JAG2: variants seen among roughly 807,000 people sequenced by gnomAD.
The protein encoded by JAG2 is jagged canonical Notch ligand 2.
A neutral mutation model predicts 141.7 loss-of-function variants in JAG2; 46 were observed. That is an observed-to-expected ratio of 0.32 (90% CI 0.26 to 0.42). The LOEUF is 0.42. Among genes scored for constraint, JAG2 ranks in the 10% least tolerant of loss-of-function variants. JAG2 has a pLI of 1.00. For missense variants in JAG2, 1,500 were observed against 1,817.5 expected, an observed-to-expected ratio of 0.83 and a Z score of 3.18; for synonymous variants, 862 against 763.5, an observed-to-expected ratio of 1.13 and a Z score of -2.13.
rs587765253 is a variant in JAG2 at position 105,142,913 on chromosome 14, C to T, written c.3499G>A (p.Gly1167Arg). 29 of 1,606,420 alleles carry T rather than the reference C, an allele frequency of 1.8e-5. No individual in the cohort carries two copies. The highest frequency in any genetic ancestry group is 5.3e-5 in the African/African-American group (4 of 74,888). The change falls in exon 26 of 26, where the codon GGG (glycine) becomes AGG (arginine). Residue 1167 changes from glycine to arginine, a missense_variant. Gly to Arg is a moderately radical substitution (Grantham distance 125). Transcript: ENST00000331782. ...PPRRADEALP[G>R]PAGHAAVRED... ...CTGACGGCCGCGTGGCCGGCCGGCCCGGGCAGCGCCTCGTCCGCCCTGCGC... is the reference window on the plus strand; with the variant it reads ...CTGACGGCCGCGTGGCCGGCCGGCCTGGGCAGCGCCTCGTCCGCCCTGCGC...
chr14:105,142,716 G>A lies in JAG2; in HGVS notation c.3696C>T (p.Ala1232=), dbSNP rs758810038. 1 of 1,605,060 alleles carries A rather than the reference G, an allele frequency of 6.2e-7. No homozygotes were observed. The highest frequency in any genetic ancestry group is 8.5e-7 in the Non-Finnish European group (1 of 1,176,482). ...GCCCCTACTCCTTGCCGGCGTAGCG[G>A]GCCTCATTGATGCTCCTGACCGCGC... ...DNRAVRSINE[A]RYAGKE Residue 1232 remains alanine, a synonymous_variant, in exon 26 of 26, where the codon GCC becomes GCT. Transcript: ENST00000331782.
intron 2 of JAG2, among the ~76,000 whole-genome samples, chr14:105,162,891 T>C (rs1440730946): frequency 6.8e-6 from 1 of 146,456 alleles, no homozygotes; most frequent in Non-Finnish European, 1.5e-5. Context: ...CCAAGCACCC[T>C]AAGTCCACGG....
rs776732182 is a variant in JAG2, at chr14:105,142,833, C to T, written c.3579G>A (p.Ala1193=). ...TGAATTTGTGTGAGAGGAACTTCTC[C>T]GCCTCCAGGGAGTCCTCCTCACCGC... ...LGRGEEDSLE[A]EKFLSHKFTK... Residue 1193 remains alanine, a synonymous_variant, in exon 26 of 26, where the codon GCG becomes GCA. Coordinates refer to ENST00000331782, the MANE Select transcript of JAG2 (RefSeq NM_002226.5). The T allele has an allele frequency of 3.3e-5, 53 of 1,610,226 alleles. No individual in the cohort carries two copies. Among genetic ancestry groups the T allele is most frequent in the East Asian group, 1.1e-4 (5 of 44,806 alleles).
chr14:105,155,474 G>A, intron 5 of JAG2, 88 bp downstream of exon 5: 4 of 1,487,026 alleles, frequency 2.7e-6, no homozygotes, highest in Non-Finnish European at 3.7e-6. Flanking sequence ...GCCAGCTCCG[G>A]GCGACTCCTG....
chr14:105,151,032 C>T lies in JAG2; in HGVS notation c.1340G>A (p.Cys447Tyr). 6.2e-7 allele frequency: 1 copy of T among 1,613,188 alleles called. No individual in the cohort carries two copies. Among genetic ancestry groups the T allele is most frequent in the African/African-American group, 1.3e-5 (1 of 75,046 alleles). ...GCCCTTCCAGCCCGGGATGCAATCA[C>T]AGTAATAGCCGCCAATCAGGTTTTT... is the stretch of plus-strand genomic sequence containing the variant. Reference protein sequence around the residue: ...SCKNLIGGYYCDCIPGWKGIN... With the variant: ...SCKNLIGGYYYDCIPGWKGIN... Residue 447 changes from cysteine (C) to tyrosine (Y), a missense_variant, in exon 10 of 26, where the codon TGT (cysteine) becomes TAT (tyrosine). Around this residue, in one of 3 missense-constraint regions of JAG2, gnomAD observed 875 missense variants for 1,202.2 expected, o/e 0.73. Coordinates refer to ENST00000331782, the MANE Select transcript of JAG2 (RefSeq NM_002226.5).
intron 2 of JAG2, among the ~76,000 whole-genome samples, chr14:105,166,114 G>A (rs1888901408): frequency 6.6e-6 from 1 of 152,234 alleles, no homozygotes; most frequent in African/African-American, 2.4e-5. Context: ...TCGAGGAACC[G>A]GCTGGAAGCA....
rs76850057 is a variant in JAG2 at position 105,152,092 on chromosome 14, C to T, written c.920-35G>A. 2.5e-3 allele frequency: 4,032 copies of T among 1,612,988 alleles called. 94 individuals are homozygous for T. In the African/African-American group the frequency reaches 0.047, roughly 19 times the overall value. On this transcript the variant is annotated intron_variant, in intron 6 of 25. Transcript: ENST00000331782. ...GGGGTGGGATGCTCAGGGGAAAAGC[C>T]GGCCCCCCGCTCCCCCACAACCCAC... is the stretch of plus-strand genomic sequence containing the variant.
intron 2 of JAG2, among the ~76,000 whole-genome samples, chr14:105,165,026 C>T (rs1882845): frequency 0.67 from 101,955 of 152,038 alleles, 34,492 homozygotes; most frequent in African/African-American, 0.75. Flanking sequence ...CCACCCCGCA[C>T]AGCTGCCCTG....
chr14:105,162,175 A>G (rs1217690343), intron 2 of JAG2, among the ~76,000 whole-genome samples: 2 of 152,012 alleles, frequency 1.3e-5, no homozygotes, highest in African/African-American at 4.8e-5. Context: ...CCCTCCCTCA[A>G]GGCCAGCCTA....
intron 2 of JAG2, among the ~76,000 whole-genome samples, chr14:105,162,681 TCCAAGGC>T (rs1186259516): frequency 1.2e-4 from 17 of 138,054 alleles, no homozygotes; most frequent in South Asian, 2.3e-4. Flanking sequence ...ACACCTCAGG[TCCAAGGC>T]ACCCAAAGTA....
chr14:105,155,689 C>T, intron 4 of JAG2, 49 bp downstream of exon 4: 23 of 1,612,300 alleles, frequency 1.4e-5, no homozygotes, highest in Non-Finnish European at 1.9e-5. Flanking sequence ...TGCCCGGGGC[C>T]CTGCCCGAGG....
chr14:105,156,164 C>G (rs899466700), intron 3 of JAG2, among the ~76,000 whole-genome samples, 175 bp from the exon 4 acceptor site: 2 of 151,764 alleles, frequency 1.3e-5, no homozygotes, highest in African/African-American at 2.4e-5. Context: ...CTCAGGGCCC[C>G]GAGAGGCCTC....
chr14:105,167,726 G>C lies in JAG2; in HGVS notation c.417+31C>G. 7.0e-7 allele frequency: 1 copy of C among 1,428,052 alleles called. No homozygotes were observed. Among genetic ancestry groups the C allele is most frequent in the South Asian group, 1.4e-5 (1 of 72,212 alleles). 88.5% of individuals were successfully genotyped at this position (1,428,052 alleles called of 1,614,324 possible). ...GCCGGGGCGCGGAGAGAGAGGGAAG[G>C]GCTGGAGCACGAGGGATGGAGCGCA... On this transcript the variant is annotated intron_variant, in intron 2 of 25. Transcript: ENST00000331782. The surrounding 1 kb of genome is among the most constrained non-coding windows in gnomAD (Gnocchi z 4.8).
chr14:105,148,496 T>TC (rs1316638976), intron 15 of JAG2, 57 bp from the exon 16 acceptor site: 2 of 1,186,626 alleles, frequency 1.7e-6, no homozygotes, highest in Non-Finnish European at 2.4e-6. Context: ...AGGGAGGGCT[T>TC]CCCGGGGGAG....
chr14:105,148,951 G>A lies in JAG2; in HGVS notation c.1892C>T (p.Thr631Ile), dbSNP rs1036126953. ...TGGCCACTCACTCTCATGGCAGTAG[G>A]TGCCAGTAAAGCCACTGTCACAGAT... ...SCICDSGFTG[T>I]YCHENIDDCL... Residue 631 changes from threonine to isoleucine, a missense_variant, in exon 14 of 26, where the codon ACC becomes ATC. Coordinates refer to ENST00000331782, the MANE Select transcript of JAG2 (RefSeq NM_002226.5). 1 of 1,606,736 alleles carries A rather than the reference G, an allele frequency of 6.2e-7. No individual in the cohort carries two copies. The highest frequency in any genetic ancestry group is 1.1e-5 in the South Asian group (1 of 89,972).
Position 105,168,366 on chromosome 14 carries a change from G to T in JAG2, c.55C>A (p.Leu19Ile). The T allele has an allele frequency of 1.0e-6, 1 of 994,042 alleles. No homozygotes were observed. Among genetic ancestry groups the T allele is most frequent in the Non-Finnish European group, 1.2e-6 (1 of 801,880 alleles). The allele number at this position is 994,042 out of a possible 1,614,324, so 61.6% of individuals were successfully genotyped here. A position where few individuals can be genotyped will look rare whatever the true frequency, so the allele number is the denominator to read the frequency against. Residue 19 changes from leucine to isoleucine, a missense_variant, in exon 1 of 26, where the codon CTC becomes ATC. Leu to Ile is a conservative substitution (Grantham distance 5, BLOSUM62 2). This residue lies in a region of JAG2 where 200 missense variants were observed against 174.3 expected (regional missense o/e 1.15). Coordinates refer to ENST00000331782, the MANE Select transcript of JAG2 (RefSeq NM_002226.5). ...GCCGCCCCGCTCACCTGCACCCAGAGCGCCAGCAGCAGCAGCAGCCGCCGG... is the reference window on the plus strand; with the variant it reads ...GCCGCCCCGCTCACCTGCACCCAGATCGCCAGCAGCAGCAGCAGCCGCCGG... ...LPRRLLLLLA[L>I]WVQAARPMGY...
intron 2 of JAG2, among the ~76,000 whole-genome samples, chr14:105,161,278 G>T (rs1014330284): frequency 3.9e-5 from 6 of 152,194 alleles, no homozygotes; most frequent in Admixed American, 1.3e-4. Flanking sequence ...CACTGTAGCC[G>T]CTGGACAGGA....
At chr14:105,163,709 C>T (rs1888826846) in intron 2 of JAG2, among the ~76,000 whole-genome samples, 1 of 151,716 alleles carries the variant, frequency 6.6e-6, no homozygotes, top group Non-Finnish European at 1.5e-5. Context: ...AGGGACCCTG[C>T]TTAGGCCTCA....
intron 3 of JAG2, 128 bp from the exon 4 acceptor site, chr14:105,156,117 C>T (rs772154379): frequency 2.3e-4 from 284 of 1,241,618 alleles, no homozygotes; most frequent in Non-Finnish European, 1.5e-4. Flanking sequence ...CAGCAGCACA[C>T]GGAGGGCAGG....
Sources: allele counts gnomAD v4.1 joint callset (sites outside exome capture counted in the v4.1 genomes callset), GRCh38; gene constraint gnomAD v4.1.1; regional missense constraint gnomAD v4.1.1; non-coding constraint Gnocchi (gnomAD v3.1); transcripts MANE v1.5; gene names NCBI Gene and HGNC (gene_info 2026-07-23, HGNC 2026-07-21).